Variants in KCMF1 observed in about 807,000 individuals in gnomAD.
KCMF1 encodes the protein potassium channel modulatory factor 1, also known as E3 ubiquitin-protein ligase KCMF1.
Under a neutral mutation model 41.1 loss-of-function variants are expected in KCMF1, and 3 were observed. The observed-to-expected ratio is 0.07, with a 90% CI of 0.03 to 0.19. The LOEUF (loss-of-function observed/expected upper bound fraction) is 0.19. Among genes scored for constraint, KCMF1 ranks in the 10% least tolerant of loss-of-function variants. KCMF1 has a pLI of 1.00. For synonymous variants in KCMF1, 142 were observed against 164.5 expected, an observed-to-expected ratio of 0.86 and a Z score of 1.04; for missense variants, 286 against 488.9, an observed-to-expected ratio of 0.58 and a Z score of 3.91.
chr2:85,002,077 A>G (rs1006040004), intron 1 of KCMF1, among the ~76,000 whole-genome samples: 1 of 152,224 alleles, frequency 6.6e-6, no homozygotes, highest in African/African-American at 2.4e-5. Context: ...AGGCTTTGGC[A>G]TCCTCCTCAA....
intron 1 of KCMF1, among the ~76,000 whole-genome samples, chr2:85,020,158 C>G (rs1558577845): frequency 2.0e-5 from 3 of 152,070 alleles, no homozygotes; most frequent in Admixed American, 2.0e-4. Context: ...TGCACAGTTG[C>G]CTTAAGCTTT....
chr2:84,999,964 A>C (rs1311980282), intron 1 of KCMF1, among the ~76,000 whole-genome samples: 1 of 152,110 alleles, frequency 6.6e-6, no homozygotes, highest in African/African-American at 2.4e-5. Context: ...ATAGGCAATG[A>C]GTAATAAAGG....
intron 1 of KCMF1, among the ~76,000 whole-genome samples, chr2:85,002,466 GT>G (rs1001861592): frequency 2.6e-4 from 40 of 152,156 alleles, no homozygotes; most frequent in African/African-American, 9.2e-4. Flanking sequence ...AGTTGCAAAG[GT>G]AGTATAGAGA....
intron 4 of KCMF1, among the ~76,000 whole-genome samples, chr2:85,044,380 CT>C (rs549556240): frequency 4.7e-5 from 7 of 148,510 alleles, no homozygotes; most frequent in African/African-American, 2.5e-5. Flanking sequence ...CTTTTCTTTT[CT>C]TTTTTTTTTA....
At chr2:84,978,784 C>T (rs550892825) in intron 1 of KCMF1, among the ~76,000 whole-genome samples, 16 of 152,106 alleles carry the variant, frequency 1.1e-4, no homozygotes, top group African/African-American at 3.9e-4. Context: ...GGCGCGATCT[C>T]AGCTCACCAC....
chr2:84,994,309 G>A (rs753262186), intron 1 of KCMF1, among the ~76,000 whole-genome samples: 41 of 152,024 alleles, frequency 2.7e-4, no homozygotes, highest in Admixed American at 1.2e-3. Context: ...AAATATTTCT[G>A]TATTTATCTG....
intron 1 of KCMF1, among the ~76,000 whole-genome samples, chr2:84,971,791 A>G (rs1424515549): frequency 6.6e-6 from 1 of 150,430 alleles, no homozygotes; most frequent in Non-Finnish European, 1.5e-5. Flanking sequence ...CTGATACCGG[A>G]CGCCAAGGCC....
At chr2:85,017,410 A>C (rs1440021502) in intron 1 of KCMF1, among the ~76,000 whole-genome samples, 2 of 152,196 alleles carry the variant, frequency 1.3e-5, no homozygotes, top group African/African-American at 4.8e-5. Context: ...ATCATTTAAT[A>C]GTATTGTTCT....
intron 1 of KCMF1, among the ~76,000 whole-genome samples, chr2:84,988,542 CTT>C (rs1673958763): frequency 2.0e-5 from 3 of 152,156 alleles, no homozygotes; most frequent in Admixed American, 2.0e-4. Context: ...GGTTTGGGTT[CTT>C]AACATTAAGC....
chr2:85,047,117 C>T (rs1675686816), intron 5 of KCMF1, among the ~76,000 whole-genome samples: 1 of 152,080 alleles, frequency 6.6e-6, no homozygotes, highest in African/African-American at 2.4e-5. Flanking sequence ...AACGTATCTC[C>T]TGCAGGTAAA....
At chr2:85,001,117 C>T (rs1303055269) in intron 1 of KCMF1, among the ~76,000 whole-genome samples, 3 of 151,044 alleles carry the variant, frequency 2.0e-5, no homozygotes, top group Non-Finnish European at 4.4e-5. Context: ...TGAGCCACTA[C>T]TCCCAGCCTT....
At chr2:84,985,761 G>A (rs560034432) in intron 1 of KCMF1, among the ~76,000 whole-genome samples, 16 of 151,574 alleles carry the variant, frequency 1.1e-4, no homozygotes, top group Admixed American at 3.3e-4. Context: ...ACCAGAAGGC[G>A]GAGGTTGCAG....
intron 1 of KCMF1, among the ~76,000 whole-genome samples, chr2:84,993,845 G>T (rs948423975): frequency 6.6e-6 from 1 of 151,642 alleles, no homozygotes; most frequent in Non-Finnish European, 1.5e-5. Flanking sequence ...CAAAGTGCTG[G>T]GATTACAGGT....
At chr2:85,033,796 A>G (rs943144934) in intron 2 of KCMF1, among the ~76,000 whole-genome samples, 1 of 152,214 alleles carries the variant, frequency 6.6e-6, no homozygotes, top group African/African-American at 2.4e-5. Flanking sequence ...CTACTGGGAA[A>G]AAAAGACTTA....
intron 1 of KCMF1, among the ~76,000 whole-genome samples, chr2:84,993,327 A>G (rs1312001596): frequency 6.6e-6 from 1 of 152,176 alleles, no homozygotes; most frequent in Non-Finnish European, 1.5e-5. Context: ...ATGGTAATAT[A>G]AGAGGAGCTC....
intron 1 of KCMF1, among the ~76,000 whole-genome samples, chr2:85,008,765 C>CTT (rs112609910): frequency 5.0e-5 from 7 of 139,108 alleles, no homozygotes; most frequent in East Asian, 2.1e-4. Flanking sequence ...GACATGTACT[C>CTT]TTTTTTTTTT....
chr2:84,996,092 T>C (rs552543494), intron 1 of KCMF1, among the ~76,000 whole-genome samples: 1 of 152,242 alleles, frequency 6.6e-6, no homozygotes, highest in African/African-American at 2.4e-5. Flanking sequence ...GATTTCAGTG[T>C]GTATGTTAAA....
At chr2:85,037,528 T>C (rs539996645) in intron 3 of KCMF1, among the ~76,000 whole-genome samples, 1 of 152,218 alleles carries the variant, frequency 6.6e-6, no homozygotes, top group Admixed American at 6.5e-5. Flanking sequence ...TCCAGTGTGC[T>C]ACAGTTATAT....
intron 1 of KCMF1, among the ~76,000 whole-genome samples, chr2:85,023,898 G>A (rs1402775258): frequency 1.3e-5 from 2 of 152,068 alleles, no homozygotes; most frequent in East Asian, 1.9e-4. Context: ...GTTTCTTACC[G>A]GTTTGGTAAA....
Sources: gnomAD v4.1 joint callset for allele counts (sites outside exome capture counted in the v4.1 genomes callset) on GRCh38, gnomAD v4.1.1 for gene constraint, MANE v1.5 for transcripts, NCBI Gene and HGNC (gene_info 2026-07-23, HGNC 2026-07-21) for gene names.